The following TLK1 variants were observed in gnomAD, a reference collection of about 807,000 sequenced individuals.
TLK1 encodes serine/threonine-protein kinase tousled-like 1.
TLK1 carries 24 observed loss-of-function variants against 105.3 expected under a neutral mutation model. That is an observed-to-expected ratio of 0.23 (90% CI 0.17 to 0.32). The LOEUF (loss-of-function observed/expected upper bound fraction) is 0.32. Among genes scored for constraint, TLK1 ranks in the 10% least tolerant of loss-of-function variants. The pLI, the probability that TLK1 is intolerant of heterozygous loss-of-function variation, is 1.00. For missense variants in TLK1, 558 were observed against 910.5 expected (o/e 0.61, Z 4.98); for synonymous variants, 321 against 310.4 (o/e 1.03, Z -0.36).
chr2:171,137,319 T>C, intron 1 of TLK1, among the ~76,000 whole-genome samples: 1 of 151,964 alleles, frequency 6.6e-6, no homozygotes, highest in South Asian at 2.1e-4. Flanking sequence ...CTCTATATCT[T>C]ATCCCAAATA....
chr2:171,156,773 C>G (rs1045363531), intron 1 of TLK1, among the ~76,000 whole-genome samples: 1 of 152,206 alleles, frequency 6.6e-6, no homozygotes, highest in Admixed American at 6.5e-5. Flanking sequence ...TTTAATTCTT[C>G]TAAGGAATGC....
chr2:171,186,660 T>C (rs1368043737), intron 1 of TLK1, among the ~76,000 whole-genome samples: 1 of 152,188 alleles, frequency 6.6e-6, no homozygotes, highest in African/African-American at 2.4e-5. Context: ...GAACACCTCA[T>C]CATACTTTGT....
rs1272610072 is a variant in TLK1, at chr2:171,160,385, G to A, written c.44C>T (p.Ser15Phe). 5.0e-6 allele frequency: 8 copies of A among 1,605,114 alleles called. No individual in the cohort carries two copies. The African/African-American group carries it at 6.7e-5, about 14-fold the overall frequency. Residue 15 changes from serine to phenylalanine, a missense_variant, in exon 1 of 21, where the codon TCT (serine) becomes TTT (phenylalanine). Physicochemically the swap from Ser to Phe is radical, Grantham distance 155. This residue lies in a region of TLK1 where 104 missense variants were observed against 116.0 expected (regional missense o/e 0.90). Transcript: ENST00000431350. This position sits in a 1 kb window ranked among gnomAD's most constrained non-coding sequence, Gnocchi z 4.4. ...SSSGSLEGPP[S>F]WSQLSTSPTP... Reference sequence around the variant, plus strand: ...TGGAGACGTGGAGAGCTGGGACCAAGATGGCGGCCCCTCCAAACTTCCACT... The same window carrying A: ...TGGAGACGTGGAGAGCTGGGACCAAAATGGCGGCCCCTCCAAACTTCCACT...
intron 2 of TLK1, among the ~76,000 whole-genome samples, chr2:171,103,041 T>A (rs1183830269): frequency 4.6e-5 from 7 of 152,012 alleles, no homozygotes; most frequent in Admixed American, 4.6e-4. Flanking sequence ...GAAATTTGAA[T>A]GAAGTCAGCG....
intron 2 of TLK1, among the ~76,000 whole-genome samples, chr2:171,105,184 G>T (rs1689865087): frequency 6.6e-6 from 1 of 152,150 alleles, no homozygotes; most frequent in Non-Finnish European, 1.5e-5. Context: ...CTTCTTCACA[G>T]CAAAGGAAAC....
intron 1 of TLK1, among the ~76,000 whole-genome samples, chr2:171,205,325 T>C: frequency 2.7e-5 from 1 of 36,748 alleles, no homozygotes; most frequent in South Asian, 1.9e-3. Context: ...TAAGACAGCT[T>C]TTTTTTTTTT....
chr2:171,027,514 T>A (rs1685830521), intron 12 of TLK1, among the ~76,000 whole-genome samples: 1 of 152,234 alleles, frequency 6.6e-6, no homozygotes, highest in African/African-American at 2.4e-5. Context: ...CATAGCAACA[T>A]TTTTTCTCAG....
chr2:171,108,401 T>C (rs1469904046), intron 2 of TLK1, among the ~76,000 whole-genome samples: 1 of 152,090 alleles, frequency 6.6e-6, no homozygotes, highest in Non-Finnish European at 1.5e-5. Flanking sequence ...ATAGAATATG[T>C]AACTTTAAAA....
intron 2 of TLK1, among the ~76,000 whole-genome samples, chr2:171,112,948 T>C (rs867383328): frequency 6.6e-6 from 1 of 152,054 alleles, no homozygotes; most frequent in African/African-American, 2.4e-5. Context: ...AATCTACAAA[T>C]TGAATGCATT....
chr2:171,149,038 C>T (rs1371793804), intron 1 of TLK1, among the ~76,000 whole-genome samples: 4 of 143,100 alleles, frequency 2.8e-5, no homozygotes, highest in African/African-American at 1.0e-4. Flanking sequence ...TTTCTTGTCA[C>T]TATATAATAC....
chr2:171,006,057 C>T (rs977764075), intron 18 of TLK1, 90 bp downstream of exon 18: 1 of 1,299,084 alleles, frequency 7.7e-7, no homozygotes, highest in Non-Finnish European at 1.0e-6. Context: ...ATCTTAATGG[C>T]TACATGGAAA....
At chr2:171,168,330 G>C (rs1292896570) in intron 1 of TLK1, among the ~76,000 whole-genome samples, 1 of 151,838 alleles carries the variant, frequency 6.6e-6, no homozygotes, top group Non-Finnish European at 1.5e-5. Context: ...AACAATATGG[G>C]AATGTAAAAT....
intron 1 of TLK1, among the ~76,000 whole-genome samples, chr2:171,171,517 A>G (rs1275121001): frequency 6.6e-6 from 1 of 152,078 alleles, no homozygotes; most frequent in African/African-American, 2.4e-5. Flanking sequence ...AAAAAAAAAA[A>G]AAAAGACAGT....
chr2:171,138,033 A>G (rs1367870047), intron 1 of TLK1, among the ~76,000 whole-genome samples: 6 of 152,142 alleles, frequency 3.9e-5, no homozygotes, highest in African/African-American at 1.4e-4. Flanking sequence ...GGCATCCTAT[A>G]AAAGTTAAAT....
chr2:170,999,774 T>G (rs539132486), intron 18 of TLK1, among the ~76,000 whole-genome samples: 55 of 152,260 alleles, frequency 3.6e-4, no homozygotes, highest in African/African-American at 1.3e-3. Context: ...TTTTATTTTT[T>G]TTTGAGACCG....
At chr2:171,072,447 A>G (rs961049612) in intron 3 of TLK1, among the ~76,000 whole-genome samples, 1 of 152,110 alleles carries the variant, frequency 6.6e-6, no homozygotes, top group African/African-American at 2.4e-5. Context: ...CCCCATCTCT[A>G]CTAAAAGTAC....
At chr2:171,197,572 A>G (rs1265974996) in intron 1 of TLK1, among the ~76,000 whole-genome samples, 1 of 152,158 alleles carries the variant, frequency 6.6e-6, no homozygotes, top group South Asian at 2.1e-4. Context: ...TGAGGTCAGG[A>G]GTTCGAGACC....
At chr2:171,213,008 A>G (rs966404504) in intron 1 of TLK1, among the ~76,000 whole-genome samples, 4 of 152,116 alleles carry the variant, frequency 2.6e-5, no homozygotes, top group African/African-American at 9.7e-5. Context: ...TTATGAAATT[A>G]TGGCCAGAGT....
chr2:171,076,119 G>A (rs1429912901), intron 3 of TLK1, among the ~76,000 whole-genome samples: 1 of 152,026 alleles, frequency 6.6e-6, no homozygotes, highest in Non-Finnish European at 1.5e-5. Context: ...TCAGGGGGCT[G>A]AAGGAGGAGA....
Sources: allele counts gnomAD v4.1 joint callset (sites outside exome capture counted in the v4.1 genomes callset), GRCh38; gene constraint gnomAD v4.1.1; regional missense constraint gnomAD v4.1.1; non-coding constraint Gnocchi (gnomAD v3.1); transcripts MANE v1.5; gene names NCBI Gene and HGNC (gene_info 2026-07-23, HGNC 2026-07-21).